The following MIPOL1 variants were observed in gnomAD, a reference collection of about 807,000 sequenced individuals.
The protein encoded by MIPOL1 is mirror-image polydactyly 1.
MIPOL1 carries 57 observed loss-of-function variants against 60.9 expected under a neutral mutation model. The observed-to-expected ratio is 0.94, with a 90% CI of 0.76 to 1.17. The LOEUF (loss-of-function observed/expected upper bound fraction) is 1.17. Ranked by LOEUF, MIPOL1 falls within the 50% of genes most tolerant of loss-of-function variation. MIPOL1 has a pLI of 0.00. For missense variants in MIPOL1, 551 were observed against 511.6 expected (o/e 1.08, Z -0.74); for synonymous variants, 179 against 168.8 (o/e 1.06, Z -0.47).
intron 9 of MIPOL1, among the ~76,000 whole-genome samples, chr14:37,363,542 G>A (rs2092360766): frequency 6.6e-6 from 1 of 152,178 alleles, no homozygotes; most frequent in Non-Finnish European, 1.5e-5. Flanking sequence ...TGAGGTGTCT[G>A]TCGGCCCCAG....
Position 37,270,428 on chromosome 14 carries a change from G to T in MIPOL1, c.396G>T (p.Gln132His), listed in dbSNP as rs1237654081. The change falls in exon 6 of 13, where the codon CAG becomes CAT. Residue 132 changes from glutamine (Q) to histidine (H), a missense_variant. Gln to His is a conservative substitution (Grantham distance 24). Coordinates refer to ENST00000684589, the MANE Select transcript of MIPOL1 (RefSeq NM_001388067.1). The stretch of plus-strand genomic sequence containing the variant: ...TTTTCAATGTGCTTTAGCTTCAGCA[G>T]AAATTGGCTAAAGAAGATAAAGAAC... ...ILRTSNKKLQ[Q>H]KLAKEDKEQR... 1 of 1,567,510 alleles carries T rather than the reference G, an allele frequency of 6.4e-7. No homozygotes were observed. Among genetic ancestry groups the T allele is most frequent in the African/African-American group, 1.4e-5 (1 of 73,098 alleles).
chr14:37,534,065 C>T lies in MIPOL1; in HGVS notation c.1263-12840C>T, dbSNP rs555867266. Among the ~76,000 whole-genome samples the T allele has an allele frequency of 6.9e-5, 9 of 130,782 alleles. 1 individual carries two copies. In the South Asian group the frequency reaches 1.2e-3, roughly 17 times the overall value. 85.8% of individuals were successfully genotyped at this position (130,782 alleles called of 152,430 possible). ...ATCATGCCACTGCACTCCATCCTGGCGAGACTCCATCTCAAAAAAAAAAAA... is the reference window on the plus strand; with the variant it reads ...ATCATGCCACTGCACTCCATCCTGGTGAGACTCCATCTCAAAAAAAAAAAA... On this transcript the variant is annotated intron_variant, in intron 12 of 12. Coordinates refer to ENST00000684589, the MANE Select transcript of MIPOL1 (RefSeq NM_001388067.1).
intron 10 of MIPOL1, among the ~76,000 whole-genome samples, chr14:37,417,663 T>A (rs991824185): frequency 8.5e-5 from 13 of 152,200 alleles, no homozygotes; most frequent in African/African-American, 3.1e-4. Context: ...CTAGTAGGTC[T>A]ATGGTCATGT....
At position 37,551,025 on chromosome 14, in the gene MIPOL1, AT is replaced by A; in HGVS notation, c.*4059del. 2 of 152,252 alleles carry A rather than the reference AT, an allele frequency of 1.3e-5. No homozygotes were observed. The highest frequency in any genetic ancestry group is 1.3e-4 in the Admixed American group (2 of 15,298). The allele number at this position is 152,252 out of a possible 1,614,324, so 9.4% of individuals were successfully genotyped here. The stretch of plus-strand genomic sequence containing the variant: ...TAGTATTTGACAATGATAAATGTGT[AT>A]TTTTGAGAATCATTAAAATGTATAC... On this transcript the variant is annotated 3_prime_UTR_variant, in exon 13 of 13. Transcript: ENST00000684589.
At chr14:37,363,809 G>A (rs1233002756) in intron 9 of MIPOL1, among the ~76,000 whole-genome samples, 5 of 152,168 alleles carry the variant, frequency 3.3e-5, no homozygotes, top group East Asian at 1.9e-4. Context: ...TTTCCTGGCC[G>A]CTTTGTTTAC....
At chr14:37,489,759 G>T (rs558888891) in intron 11 of MIPOL1, among the ~76,000 whole-genome samples, 1 of 152,132 alleles carries the variant, frequency 6.6e-6, no homozygotes, top group African/African-American at 2.4e-5. Context: ...GACCCTGTTT[G>T]CCTGGGTATC....
chr14:37,551,569 A>G (rs1167200621), downstream of MIPOL1: 2 of 152,024 alleles, frequency 1.3e-5, no homozygotes, highest in Non-Finnish European at 2.9e-5. Context: ...AGTGAGATCA[A>G]ATTATTTTAA....
chr14:37,376,971 A>G (rs2092793656), intron 10 of MIPOL1, among the ~76,000 whole-genome samples: 1 of 152,092 alleles, frequency 6.6e-6, no homozygotes, highest in African/African-American at 2.4e-5. Context: ...AGTCTTCTCA[A>G]TTTAATCTTT....
intron 1 of MIPOL1, among the ~76,000 whole-genome samples, chr14:37,199,522 T>C (rs1297149244): frequency 6.6e-6 from 1 of 151,206 alleles, no homozygotes; most frequent in African/African-American, 2.4e-5. Flanking sequence ...TATGTATACT[T>C]TTTTTTTTCT....
intron 2 of MIPOL1, among the ~76,000 whole-genome samples, 197 bp from the exon 3 acceptor site, chr14:37,247,632 A>G (rs970425067): frequency 3.9e-5 from 6 of 152,178 alleles, no homozygotes; most frequent in Non-Finnish European, 7.4e-5. Context: ...ATATACTAAA[A>G]TACAAGTGTG....
intron 11 of MIPOL1, among the ~76,000 whole-genome samples, chr14:37,479,018 A>G (rs925861506): frequency 1.3e-5 from 2 of 152,194 alleles, no homozygotes; most frequent in African/African-American, 2.4e-5. Context: ...AACAGATATT[A>G]AAGGATCAGT....
intron 11 of MIPOL1, among the ~76,000 whole-genome samples, chr14:37,438,375 T>A (rs1481245198): frequency 1.3e-5 from 2 of 152,210 alleles, no homozygotes; most frequent in East Asian, 3.8e-4. Flanking sequence ...TTATCTTATT[T>A]AATCCCTTCA....
chr14:37,476,802 T>G (rs988713403), intron 11 of MIPOL1, among the ~76,000 whole-genome samples: 3 of 152,100 alleles, frequency 2.0e-5, no homozygotes, highest in African/African-American at 7.2e-5. Context: ...GTGTAATTCC[T>G]TATATATTTT....
intron 9 of MIPOL1, among the ~76,000 whole-genome samples, chr14:37,337,521 A>G (rs927541514): frequency 3.3e-5 from 5 of 150,478 alleles, no homozygotes; most frequent in African/African-American, 4.9e-5. Context: ...GGTGCCCACC[A>G]CCACGCCTGG....
Position 37,368,713 on chromosome 14 carries a change from C to A in MIPOL1, c.829-804C>A, listed in dbSNP as rs187262779. Among the ~76,000 whole-genome samples, 462 of 152,068 alleles carry A rather than the reference C, an allele frequency of 3.0e-3. 3 individuals carry two copies. The highest frequency in any genetic ancestry group is 9.5e-3 in the African/African-American group (393 of 41,512). ...CCTATTGTCCTGATTTGCAGCACCCCATTTTATAGCCTGTGTAATTATTAT... is the reference window on the plus strand; with the variant it reads ...CCTATTGTCCTGATTTGCAGCACCCAATTTTATAGCCTGTGTAATTATTAT... On this transcript the variant is annotated intron_variant, in intron 9 of 12. Coordinates refer to ENST00000684589, the MANE Select transcript of MIPOL1 (RefSeq NM_001388067.1).
At chr14:37,231,271 A>C (rs1223895973) in intron 1 of MIPOL1, among the ~76,000 whole-genome samples, 2 of 152,056 alleles carry the variant, frequency 1.3e-5, no homozygotes, top group African/African-American at 4.8e-5. Flanking sequence ...TATTTTTCAT[A>C]GAGATGGATT....
At chr14:37,266,454 A>G (rs1201950730) in intron 3 of MIPOL1, among the ~76,000 whole-genome samples, 1 of 152,180 alleles carries the variant, frequency 6.6e-6, no homozygotes, top group Non-Finnish European at 1.5e-5. Context: ...GGCACTAAGG[A>G]AAGCCTCTAT....
At chr14:37,213,215 CTAAG>C (rs1291854883) in intron 1 of MIPOL1, among the ~76,000 whole-genome samples, 1 of 152,124 alleles carries the variant, frequency 6.6e-6, no homozygotes, top group Non-Finnish European at 1.5e-5. Context: ...ATCAAATAAA[CTAAG>C]TAAGGAAGCA....
At chr14:37,408,668 A>G (rs537868211) in intron 10 of MIPOL1, among the ~76,000 whole-genome samples, 4 of 152,166 alleles carry the variant, frequency 2.6e-5, no homozygotes, top group Admixed American at 1.3e-4. Context: ...ATTTAAATAA[A>G]TACATAAACC....
Sources: gnomAD v4.1 joint callset for allele counts (sites outside exome capture counted in the v4.1 genomes callset) on GRCh38, gnomAD v4.1.1 for gene constraint, MANE v1.5 for transcripts, NCBI Gene and HGNC (gene_info 2026-07-23, HGNC 2026-07-21) for gene names.